Variants in STAT3 observed in about 807,000 individuals in gnomAD.
STAT3 encodes DNA-binding protein APRF.
In STAT3, 7 loss-of-function variants were observed where a neutral mutation model predicts 114.3. The observed-to-expected ratio is 0.06, with a 90% CI of 0.03 to 0.11. The LOEUF is 0.11. Ranked by LOEUF, STAT3 falls within the 10% of genes least tolerant of loss-of-function variation. The pLI is 1.00. For missense variants in STAT3, 364 were observed against 960.9 expected (o/e 0.38, Z 8.21); for synonymous variants, 331 against 354.5 (o/e 0.93, Z 0.74).
In STAT3 at chr17:42,315,687, G is replaced by A. The variant is rs1261670514; in HGVS notation, c.*58C>T. ...TCTGGGGTTTGGCTGTGTGAGGGGT[G>A]GCAGAATGCAGGTAGGCGCCTCAGT... On this transcript the variant is annotated 3_prime_UTR_variant, in exon 24 of 24. Coordinates refer to ENST00000264657, the MANE Select transcript of STAT3 (RefSeq NM_139276.3). The A allele has an allele frequency of 2.6e-6, 4 of 1,549,860 alleles. No individual in the cohort carries two copies. Among genetic ancestry groups the A allele is most frequent in the Non-Finnish European group, 3.6e-6 (4 of 1,121,778 alleles).
chr17:42,375,046 C>G (rs4796644), intron 1 of STAT3, among the ~76,000 whole-genome samples: 143,774 of 152,266 alleles, frequency 0.94, 68,421 homozygotes, highest in East Asian at 1. Context: ...GAATTAACCC[C>G]AGCAGTCAGA....
intron 1 of STAT3, among the ~76,000 whole-genome samples, chr17:42,358,932 A>ATTTTTTTTTTTTTTTTTT (rs2083365690): frequency 2.0e-5 from 1 of 50,438 alleles, no homozygotes; most frequent in Non-Finnish European, 3.6e-5. Flanking sequence ...GACATTTCTT[A>ATTTTTTTTTTTTTTTTTT]CTTTTTTTTT....
In STAT3 at chr17:42,316,906, A is replaced by C; in HGVS notation, c.2145-5T>G. The C allele has an allele frequency of 6.2e-7, 1 of 1,610,544 alleles. No individual in the cohort carries two copies. Among genetic ancestry groups the C allele is most frequent in the Non-Finnish European group, 8.5e-7 (1 of 1,178,232 alleles). ...ATGGTATTGCTGCAGGTCGTTCTGT[A>C]GGAAATGGGGGGCAGCAGGAGGGGA... On this transcript the variant is annotated splice_polypyrimidine_tract_variant and splice_region_variant and intron_variant, in intron 22 of 23. Transcript: ENST00000264657.
intron 1 of STAT3, among the ~76,000 whole-genome samples, chr17:42,374,610 C>CAAAAAAA (rs1260078348): frequency 1.7e-5 from 2 of 120,926 alleles, no homozygotes; most frequent in Non-Finnish European, 3.3e-5. Flanking sequence ...AACTCCATCT[C>CAAAAAAA]AAAAAAAAAA....
intron 1 of STAT3, among the ~76,000 whole-genome samples, chr17:42,376,998 T>C (rs2084508590): frequency 6.6e-6 from 1 of 152,182 alleles, no homozygotes; most frequent in African/African-American, 2.4e-5. Flanking sequence ...TTCCAAATAG[T>C]ATACATATTA....
intron 23 of STAT3, chr17:42,316,466 A>T: frequency 2.1e-6 from 1 of 468,720 alleles, no homozygotes; most frequent in Non-Finnish European, 3.9e-6. Flanking sequence ...TGATCCACCC[A>T]CCTCGGCCTC....
chr17:42,329,920 G>A (rs756716601), intron 11 of STAT3, 144 bp from the exon 12 acceptor site: 22 of 949,184 alleles, frequency 2.3e-5, no homozygotes, highest in East Asian at 1.0e-4. Flanking sequence ...GTTGATCAGC[G>A]CAACATAACA....
intron 1 of STAT3, chr17:42,387,084 C>A (rs1179604476): frequency 6.6e-6 from 1 of 152,148 alleles, no homozygotes; most frequent in Non-Finnish European, 1.5e-5. Context: ...GCACAGCCAG[C>A]CAAAAATTTA....
intron 23 of STAT3, 74 bp downstream of exon 23, chr17:42,316,715 T>G (rs1447108948): frequency 1.2e-6 from 2 of 1,600,764 alleles, no homozygotes; most frequent in East Asian, 4.5e-5. Context: ...GCTCTCGGTG[T>G]GTACATGTGA....
At chr17:42,380,058 G>C (rs182698471) in intron 1 of STAT3, among the ~76,000 whole-genome samples, 1 of 151,776 alleles carries the variant, frequency 6.6e-6, no homozygotes. Context: ...TTTTTGTGAC[G>C]GAGTCTTGCT....
intron 4 of STAT3, 24 bp from the exon 5 acceptor site, chr17:42,339,433 C>T (rs1411743040): frequency 6.2e-6 from 10 of 1,609,248 alleles, no homozygotes; most frequent in Non-Finnish European, 8.5e-6. Context: ...GGTCAATGCA[C>T]ATGTGAACAC....
rs1307171718 is a variant in STAT3 at position 42,329,472 on chromosome 17, A to G, written c.1234-15T>C. The G allele has an allele frequency of 6.2e-7, 1 of 1,614,218 alleles. No homozygotes were observed. Among genetic ancestry groups the G allele is most frequent in the Non-Finnish European group, 8.5e-7 (1 of 1,180,046 alleles). On this transcript the variant is annotated splice_polypyrimidine_tract_variant and intron_variant, in intron 13 of 23. Coordinates refer to ENST00000264657, the MANE Select transcript of STAT3 (RefSeq NM_139276.3). ...TCCCTCAGGGTCTGTAAGAAAAGAA[A>G]AAGGCAGGTGTCCTGTGAGGCTCTC...
intron 1 of STAT3, among the ~76,000 whole-genome samples, chr17:42,358,933 C>CTTTTTTTTTTTTTCTTTTTTT (rs2083367152): frequency 1.0e-5 from 1 of 100,500 alleles, no homozygotes; most frequent in South Asian, 3.6e-4. Context: ...ACATTTCTTA[C>CTTTTTTTTTTTTTCTTTTTTT]TTTTTTTTTT....
intron 1 of STAT3, among the ~76,000 whole-genome samples, chr17:42,352,814 G>A (rs2083036195): frequency 6.6e-6 from 1 of 152,156 alleles, no homozygotes; most frequent in Non-Finnish European, 1.5e-5. Context: ...ACACAGTCCA[G>A]TATGGAGTCA....
At position 42,313,379 on chromosome 17, in the gene STAT3, C is replaced by CAAAAAAAAAAAAAAAAAAAAATAAAAA. The variant is rs2081143207; in HGVS notation, c.*2365_*2366insTTTTTATTTTTTTTTTTTTTTTTTTTT. 1 of 83,024 alleles carries CAAAAAAAAAAAAAAAAAAAAATAAAAA rather than the reference C, an allele frequency of 1.2e-5. No individual in the cohort carries two copies. The highest frequency in any genetic ancestry group is 6.2e-5 in the African/African-American group (1 of 16,104). The allele number at this position is 83,024 out of a possible 1,614,324, so 5.1% of individuals were successfully genotyped here. On this transcript the variant is annotated 3_prime_UTR_variant, in exon 24 of 24. Transcript: ENST00000264657. ...AGTTAAAGTAGATACAGCAATATACCAAAAAAAAAAAAAAAAAAAAAAGAC... is the reference window on the plus strand; with the variant it reads ...AGTTAAAGTAGATACAGCAATATACCAAAAAAAAAAAAAAAAAAAAATAAAAAAAAAAAAAAAAAAAAAAAAAAAGAC...
chr17:42,375,091 A>G (rs1368046999), intron 1 of STAT3, among the ~76,000 whole-genome samples: 1 of 152,244 alleles, frequency 6.6e-6, no homozygotes, highest in African/African-American at 2.4e-5. Context: ...TTAATCTGGT[A>G]ATGTCATGAC....
At chr17:42,386,352 C>T (rs1216945943) in intron 1 of STAT3, among the ~76,000 whole-genome samples, 1 of 151,870 alleles carries the variant, frequency 6.6e-6, no homozygotes, top group African/African-American at 2.4e-5. Context: ...AATTCCACCA[C>T]TATGGCACTC....
Position 42,321,179 on chromosome 17 carries a change from G to A in STAT3, c.2101+1103C>T, listed in dbSNP as rs540657236. Among the ~76,000 whole-genome samples the A allele has an allele frequency of 4.6e-3, 670 of 147,152 alleles. 4 individuals are homozygous for A. Among genetic ancestry groups the A allele is most frequent in the African/African-American group, 0.016 (640 of 39,386 alleles). ...CTGTCACCCAGGCTGGAGTGCAGTGGTGCGATCATGGCTCACTGCAGCCTC... is the reference window on the plus strand; with the variant it reads ...CTGTCACCCAGGCTGGAGTGCAGTGATGCGATCATGGCTCACTGCAGCCTC... On this transcript the variant is annotated intron_variant, in intron 21 of 23. Coordinates refer to ENST00000264657, the MANE Select transcript of STAT3 (RefSeq NM_139276.3).
chr17:42,329,246 A>G (rs2081882531), intron 14 of STAT3, among the ~76,000 whole-genome samples, 164 bp downstream of exon 14: 1 of 152,252 alleles, frequency 6.6e-6, no homozygotes, highest in African/African-American at 2.4e-5. Flanking sequence ...TCCATGGCAC[A>G]TGGAACTTCT....
Sources: gnomAD v4.1 joint callset for allele counts (sites outside exome capture counted in the v4.1 genomes callset) on GRCh38, gnomAD v4.1.1 for gene constraint, MANE v1.5 for transcripts, NCBI Gene and HGNC (gene_info 2026-07-23, HGNC 2026-07-21) for gene names.